DPYD: variants seen among roughly 807,000 people sequenced by gnomAD.
The protein encoded by DPYD is dihydropyrimidine dehydrogenase.
DPYD carries 109 observed loss-of-function variants against 116.2 expected under a neutral mutation model. That is an observed-to-expected ratio of 0.94 (90% CI 0.80 to 1.10). The LOEUF (loss-of-function observed/expected upper bound fraction) is 1.10, where lower values mean the gene tolerates loss of function less well. Among genes scored for constraint, DPYD ranks in the 50% least tolerant of loss-of-function variants. The probability of loss-of-function intolerance (pLI) is 0.00; values close to 1 mark genes in which losing one functional copy is unlikely to be tolerated. For missense variants in DPYD, 1,302 were observed against 1,254.5 expected, an observed-to-expected ratio of 1.04 and a Z score of -0.57; for synonymous variants, 440 against 432.0, an observed-to-expected ratio of 1.02 and a Z score of -0.23.
At chr1:97,435,228 C>A (rs994716799) in intron 14 of DPYD, among the ~76,000 whole-genome samples, 1 of 151,840 alleles carries the variant, frequency 6.6e-6, no homozygotes, top group African/African-American at 2.4e-5. Context: ...ATGGTTACAT[C>A]TTTACCAACA....
At chr1:97,209,165 G>A (rs928216129) in intron 19 of DPYD, among the ~76,000 whole-genome samples, 5 of 152,086 alleles carry the variant, frequency 3.3e-5, no homozygotes, top group East Asian at 1.9e-4. Flanking sequence ...TATTACCACC[G>A]CCTACCCATA....
intron 20 of DPYD, among the ~76,000 whole-genome samples, chr1:97,102,776 A>C (rs1458958413): frequency 6.6e-6 from 1 of 151,968 alleles, no homozygotes; most frequent in African/African-American, 2.4e-5. Context: ...TTTTGTAAGT[A>C]TCTTTTGCTA....
At chr1:97,735,520 C>T (rs376553650) in intron 4 of DPYD, among the ~76,000 whole-genome samples, 1 of 99,910 alleles carries the variant, frequency 1.0e-5, no homozygotes, top group Admixed American at 1.1e-4. Flanking sequence ...AATAAAAATA[C>T]AAAAAAAAAA....
chr1:97,477,056 G>A (rs887308816), intron 13 of DPYD, among the ~76,000 whole-genome samples: 1 of 152,142 alleles, frequency 6.6e-6, no homozygotes, highest in African/African-American at 2.4e-5. Context: ...TCAGGATGGT[G>A]GTTGCTGAAG....
chr1:97,422,441 T>C (rs184198471), intron 14 of DPYD, among the ~76,000 whole-genome samples: 22 of 152,282 alleles, frequency 1.4e-4, no homozygotes, highest in African/African-American at 5.1e-4. Flanking sequence ...TGCTGCTAAC[T>C]AGAGATTGTA....
chr1:97,123,734 C>A (rs927011959), intron 20 of DPYD, among the ~76,000 whole-genome samples: 5 of 151,996 alleles, frequency 3.3e-5, no homozygotes, highest in Non-Finnish European at 5.9e-5. Context: ...TTTATCTTTC[C>A]CAAATTTATT....
At chr1:97,799,617 C>G (rs1422269242) in intron 3 of DPYD, among the ~76,000 whole-genome samples, 1 of 151,870 alleles carries the variant, frequency 6.6e-6, no homozygotes, top group Non-Finnish European at 1.5e-5. Context: ...GAGACTGTTA[C>G]CTCAAGATGC....
chr1:97,378,691 C>T (rs1379642633), intron 15 of DPYD, among the ~76,000 whole-genome samples: 1 of 152,194 alleles, frequency 6.6e-6, no homozygotes, highest in Non-Finnish European at 1.5e-5. Flanking sequence ...GAACTGTATA[C>T]TTCTTTTTTA....
At chr1:97,188,204 A>G (rs1335428511) in intron 20 of DPYD, among the ~76,000 whole-genome samples, 1 of 152,096 alleles carries the variant, frequency 6.6e-6, no homozygotes, top group East Asian at 1.9e-4. Flanking sequence ...AGAATTTCTG[A>G]TTTTATCCTA....
intron 20 of DPYD, among the ~76,000 whole-genome samples, chr1:97,123,956 C>A (rs1416323973): frequency 6.6e-6 from 1 of 152,088 alleles, no homozygotes; most frequent in Non-Finnish European, 1.5e-5. Flanking sequence ...TGGGTCCCTG[C>A]CAAATATGGT....
chr1:97,399,810 C>T (rs1337480770), intron 14 of DPYD, among the ~76,000 whole-genome samples: 1 of 152,108 alleles, frequency 6.6e-6, no homozygotes, highest in African/African-American at 2.4e-5. Context: ...TATCCTGAGA[C>T]TTTGTTGAAG....
chr1:97,259,517 C>A (rs1036870706), intron 18 of DPYD, among the ~76,000 whole-genome samples: 10 of 152,048 alleles, frequency 6.6e-5, no homozygotes, highest in African/African-American at 1.9e-4. Flanking sequence ...GTACCACAGG[C>A]AGAAATTGAA....
chr1:97,481,857 ACT>A (rs146484864), intron 13 of DPYD, among the ~76,000 whole-genome samples: 115 of 149,128 alleles, frequency 7.7e-4, no homozygotes, highest in Non-Finnish European at 1.4e-3. Flanking sequence ...TATAATCTCT[ACT>A]CTCTCTCTCT....
At chr1:97,612,397 G>A (rs763956034) in intron 8 of DPYD, among the ~76,000 whole-genome samples, 4 of 151,766 alleles carry the variant, frequency 2.6e-5, no homozygotes, top group Non-Finnish European at 4.4e-5. Context: ...TAGCACTAAT[G>A]TAAAAAAAAA....
At chr1:97,807,082 G>C (rs998341890) in intron 3 of DPYD, among the ~76,000 whole-genome samples, 2 of 151,994 alleles carry the variant, frequency 1.3e-5, no homozygotes, top group Admixed American at 1.3e-4. Context: ...ATATTGGTTA[G>C]TTCAAAGTCT....
chr1:97,494,947 A>G (rs1016016607), intron 13 of DPYD, among the ~76,000 whole-genome samples: 1 of 152,216 alleles, frequency 6.6e-6, no homozygotes, highest in Admixed American at 6.5e-5. Flanking sequence ...AGCACAAGCC[A>G]TCTTCAGAGA....
At chr1:97,409,260 T>C (rs1673844910) in intron 14 of DPYD, among the ~76,000 whole-genome samples, 1 of 152,164 alleles carries the variant, frequency 6.6e-6, no homozygotes. Context: ...ATAATTATTT[T>C]ATGAGACGTA....
intron 13 of DPYD, among the ~76,000 whole-genome samples, chr1:97,474,347 C>G (rs566482138): frequency 6.6e-6 from 1 of 152,038 alleles, no homozygotes; most frequent in Non-Finnish European, 1.5e-5. Context: ...GAGTGTCTAA[C>G]TAAACATATG....
At chr1:97,626,680 T>C (rs1163059628) in intron 8 of DPYD, among the ~76,000 whole-genome samples, 1 of 152,060 alleles carries the variant, frequency 6.6e-6, no homozygotes, top group Non-Finnish European at 1.5e-5. Context: ...AAAGATAAAG[T>C]CTTAGTATGT....
Sources: gnomAD v4.1 joint callset for allele counts (sites outside exome capture counted in the v4.1 genomes callset) on GRCh38, gnomAD v4.1.1 for gene constraint, MANE v1.5 for transcripts, NCBI Gene and HGNC (gene_info 2026-07-23, HGNC 2026-07-21) for gene names.